Variants in SLC14A2 observed in about 807,000 individuals in gnomAD.
SLC14A2 encodes the protein urea transporter 2.
In SLC14A2, 91 loss-of-function variants were observed where a neutral mutation model predicts 104.6. The ratio of observed to expected loss-of-function variants is 0.87; its 90% confidence interval spans 0.73 to 1.04. The LOEUF is 1.04. SLC14A2 is among the 50% of genes least tolerant of loss of function. The pLI is 0.00. For synonymous variants in SLC14A2, 476 were observed against 466.4 expected (o/e 1.02, Z -0.27); for missense variants, 1,189 against 1,156.0 (o/e 1.03, Z -0.41).
rs370866162 is a variant in SLC14A2 at position 45,395,527 on chromosome 18, TAAG to T, written c.-124-87702_-124-87700del. 1.1e-4 allele frequency among the ~76,000 whole-genome samples: 17 copies of T among 152,288 alleles called. No homozygotes were observed. In the East Asian group the frequency reaches 2.7e-3, roughly 24 times the overall value. ...CTGTTCTGTACACAGACAAATTTGT[TAAG>T]AAGGTAGATTTTTTAATATGTGGGG... On this transcript the variant is annotated intron_variant, in intron 1 of 20. Coordinates refer to the SLC14A2 transcript ENST00000586448.
intron 1 of SLC14A2, among the ~76,000 whole-genome samples, chr18:45,443,137 G>A (rs1312560844): frequency 6.6e-6 from 1 of 152,172 alleles, no homozygotes. Context: ...TGGCAGTGTA[G>A]GTTCACTGAA....
intron 1 of SLC14A2, among the ~76,000 whole-genome samples, chr18:45,321,911 A>G (rs1056708348): frequency 2.6e-5 from 4 of 152,156 alleles, no homozygotes; most frequent in Admixed American, 2.0e-4. Flanking sequence ...CAACTGAGTC[A>G]TTGAAGACTT....
At chr18:45,377,395 C>T (rs1454022781) in intron 1 of SLC14A2, among the ~76,000 whole-genome samples, 1 of 152,112 alleles carries the variant, frequency 6.6e-6, no homozygotes, top group South Asian at 2.1e-4. Context: ...CTTTTAAATC[C>T]CCAGTACTAA....
At chr18:45,570,569 A>G (rs1185695038) in intron 2 of SLC14A2, among the ~76,000 whole-genome samples, 5 of 152,220 alleles carry the variant, frequency 3.3e-5, no homozygotes, top group African/African-American at 1.2e-4. Context: ...GCCACCCTTT[A>G]CAATTTACAT....
intron 1 of SLC14A2, among the ~76,000 whole-genome samples, chr18:45,432,895 T>G (rs1039495565): frequency 6.6e-6 from 1 of 152,170 alleles, no homozygotes; most frequent in Non-Finnish European, 1.5e-5. Context: ...TTCCATGTAT[T>G]AGCAAATCCT....
intron 1 of SLC14A2, among the ~76,000 whole-genome samples, chr18:45,271,561 A>G (rs1466531998): frequency 1.3e-5 from 2 of 152,178 alleles, no homozygotes; most frequent in East Asian, 3.8e-4. Context: ...CCCTTTTACA[A>G]TAGCCACAAA....
At chr18:45,380,035 GT>G (rs1252415406) in intron 1 of SLC14A2, among the ~76,000 whole-genome samples, 1 of 152,170 alleles carries the variant, frequency 6.6e-6, no homozygotes, top group Non-Finnish European at 1.5e-5. Flanking sequence ...AGTCAAAATA[GT>G]GACTCAAATG....
In SLC14A2 at chr18:45,644,213, T is replaced by G. The variant is rs757134890; in HGVS notation, c.1351+53T>G. Reference sequence around the variant, plus strand: ...GCTCTTTGCCTGACCTGATGTCCTCTCCCTGTGTTCTCTGCTCTGGTTCAA... The same window carrying G: ...GCTCTTTGCCTGACCTGATGTCCTCGCCCTGTGTTCTCTGCTCTGGTTCAA... On this transcript the variant is annotated intron_variant, in intron 10 of 19. Transcript: ENST00000255226. The G allele has an allele frequency of 1.8e-5, 29 of 1,571,150 alleles. No individual in the cohort carries two copies. In the Admixed American group the frequency reaches 4.5e-4, roughly 25 times the overall value.
chr18:45,376,563 G>A (rs910767743), intron 1 of SLC14A2, among the ~76,000 whole-genome samples: 3 of 152,132 alleles, frequency 2.0e-5, no homozygotes, highest in East Asian at 1.9e-4. Flanking sequence ...AACACACTCA[G>A]GAAAGAAAAT....
At chr18:45,292,790 T>C (rs997076187) in intron 1 of SLC14A2, among the ~76,000 whole-genome samples, 3 of 152,246 alleles carry the variant, frequency 2.0e-5, no homozygotes, top group Admixed American at 2.0e-4. Context: ...ACTTTTGTTC[T>C]GATGTTTCAT....
chr18:45,283,362 T>C (rs924168270), intron 1 of SLC14A2, among the ~76,000 whole-genome samples: 4 of 134,768 alleles, frequency 3.0e-5, no homozygotes, highest in Admixed American at 1.5e-4. Context: ...GAGACTTCTA[T>C]AAGCCCAAAG....
At chr18:45,314,663 G>T (rs553026163) in intron 1 of SLC14A2, among the ~76,000 whole-genome samples, 8 of 152,324 alleles carry the variant, frequency 5.3e-5, no homozygotes, top group Admixed American at 1.3e-4. Context: ...CTGACTCTTG[G>T]CAATTGCAGA....
chr18:45,617,447 G>A (rs546143487), intron 1 of SLC14A2, among the ~76,000 whole-genome samples: 9 of 151,742 alleles, frequency 5.9e-5, no homozygotes, highest in Non-Finnish European at 1.0e-4. Flanking sequence ...AGCCTGACCC[G>A]CTGGCCCCAG....
intron 1 of SLC14A2, among the ~76,000 whole-genome samples, chr18:45,408,136 T>G (rs2086176431): frequency 1.3e-4 from 20 of 152,176 alleles, no homozygotes; most frequent in Admixed American, 1.3e-3. Flanking sequence ...TTGGTGGAAA[T>G]CGGGCCGCCT....
the SLC14A2 span, among the ~76,000 whole-genome samples, chr18:45,176,104 T>C: frequency 6.6e-6 from 1 of 152,144 alleles, no homozygotes; most frequent in African/African-American, 2.4e-5. Flanking sequence ...ACACTGGCTG[T>C]CCGCCTCTGC....
At chr18:45,237,452 C>T (rs1280269127) in intron 1 of SLC14A2, among the ~76,000 whole-genome samples, 1 of 152,156 alleles carries the variant, frequency 6.6e-6, no homozygotes, top group Admixed American at 6.5e-5. Flanking sequence ...CCTTTCCAGC[C>T]CCTTGCTAGT....
chr18:45,533,559 T>G (rs1206808392), intron 2 of SLC14A2, among the ~76,000 whole-genome samples: 1 of 152,224 alleles, frequency 6.6e-6, no homozygotes, highest in Admixed American at 6.5e-5. Flanking sequence ...CTTTGTCATT[T>G]TTTATTGCGT....
intron 2 of SLC14A2, among the ~76,000 whole-genome samples, chr18:45,586,720 A>C (rs1439662370): frequency 6.6e-6 from 1 of 151,950 alleles, no homozygotes; most frequent in Non-Finnish European, 1.5e-5. Flanking sequence ...CCTTTCCTCC[A>C]TCTCCCAATC....
At position 45,682,409 on chromosome 18, in the gene SLC14A2, C is replaced by T. The variant is rs2046323651; in HGVS notation, c.2653C>T (p.Pro885Ser). 6.2e-7 allele frequency: 1 copy of T among 1,614,068 alleles called. No homozygotes were observed. The highest frequency in any genetic ancestry group is 8.5e-7 in the Non-Finnish European group (1 of 1,180,016). Reference sequence around the variant, plus strand: ...CAATAACCCCGCCATCTACAAGCTCCCGCTCAGCAAAGTCACCTACCCAGA... The same window carrying T: ...CAATAACCCCGCCATCTACAAGCTCTCGCTCAGCAAAGTCACCTACCCAGA... ...TTNNPAIYKL[P>S]LSKVTYPEAN... is the part of the protein sequence containing the mutation. The change falls in exon 20 of 20, where the codon CCG becomes TCG. Residue 885 changes from proline to serine, a missense_variant. Pro to Ser is a moderately conservative substitution (Grantham distance 74). Transcript: ENST00000255226.
Sources: allele counts gnomAD v4.1 joint callset (sites outside exome capture counted in the v4.1 genomes callset), GRCh38; gene constraint gnomAD v4.1.1; transcripts MANE v1.5; gene names NCBI Gene and HGNC (gene_info 2026-07-23, HGNC 2026-07-21).